STX18: variants seen among roughly 807,000 people sequenced by gnomAD.
STX18 encodes the protein syntaxin-18.
STX18 carries 40 observed loss-of-function variants against 50.1 expected under a neutral mutation model. The ratio of observed to expected loss-of-function variants is 0.80; its 90% confidence interval spans 0.62 to 1.04. The LOEUF is 1.04. Among genes scored for constraint, STX18 ranks in the 50% least tolerant of loss-of-function variants. The pLI, the probability that STX18 is intolerant of heterozygous loss-of-function variation, is 0.00. For missense variants in STX18, 410 were observed against 415.8 expected, an observed-to-expected ratio of 0.99 and a Z score of 0.12; for synonymous variants, 158 against 151.8, an observed-to-expected ratio of 1.04 and a Z score of -0.30.
At chr4:4,461,934 CCT>C (rs1727401097) in intron 2 of STX18, 1 of 456,068 alleles carries the variant, frequency 2.2e-6, no homozygotes, top group South Asian at 1.5e-5. Context: ...CCGCTCTGTT[CCT>C]CTCTCTCCTA....
Position 4,436,799 on chromosome 4 carries a change from T to G in STX18, c.613+1595A>C, listed in dbSNP as rs117891645. ...AGCTTACTCCCACCTCTCCTCCCAC[T>G]GATGGGCTTCACTGATCCCCACGGG... On this transcript the variant is annotated intron_variant, in intron 6 of 10. Coordinates refer to ENST00000306200, the MANE Select transcript of STX18 (RefSeq NM_016930.4). Among the ~76,000 whole-genome samples the G allele has an allele frequency of 3.5e-4, 53 of 152,284 alleles. 1 individual carries two copies. The East Asian group carries it at 0.01, about 30-fold the overall frequency.
At chr4:4,528,696 G>A (rs1212149260) in intron 1 of STX18, among the ~76,000 whole-genome samples, 1 of 152,226 alleles carries the variant, frequency 6.6e-6, no homozygotes, top group African/African-American at 2.4e-5. Context: ...TAGGAGAACT[G>A]CCTGCTGCTG....
intron 5 of STX18, among the ~76,000 whole-genome samples, chr4:4,450,346 G>C (rs780605955): frequency 1.1e-4 from 16 of 152,248 alleles, no homozygotes; most frequent in South Asian, 6.2e-4. Context: ...TTTAGAGACA[G>C]TGTCTCGCTC....
At chr4:4,433,359 T>C (rs1157304667) in intron 7 of STX18, among the ~76,000 whole-genome samples, 2 of 152,046 alleles carry the variant, frequency 1.3e-5, no homozygotes, top group Non-Finnish European at 2.9e-5. Context: ...TCAAAGTCAC[T>C]CATGCATTCA....
chr4:4,514,711 C>A (rs1730162110), intron 1 of STX18, among the ~76,000 whole-genome samples: 1 of 151,948 alleles, frequency 6.6e-6, no homozygotes, highest in African/African-American at 2.4e-5. Flanking sequence ...AAAATCCAAA[C>A]CACCAAAGGA....
intron 1 of STX18, among the ~76,000 whole-genome samples, chr4:4,485,633 G>C (rs189980721): frequency 1.3e-5 from 2 of 152,056 alleles, no homozygotes; most frequent in Non-Finnish European, 2.9e-5. Context: ...TGATGGGAAC[G>C]GCAGATTCGC....
At chr4:4,453,263 C>T (rs6833180) in intron 5 of STX18, among the ~76,000 whole-genome samples, 53,210 of 152,086 alleles carry the variant, frequency 0.35, 12,954 homozygotes, top group African/African-American at 0.7. Flanking sequence ...AATAGAGAAA[C>T]CTTTTGTGAA....
intron 9 of STX18, among the ~76,000 whole-genome samples, chr4:4,421,849 C>G (rs1724982990): frequency 6.6e-6 from 1 of 152,312 alleles, no homozygotes; most frequent in Admixed American, 6.5e-5. Context: ...AGGATGCTTA[C>G]AGAAAACGTT....
chr4:4,448,682 T>G (rs1726570953), intron 5 of STX18, among the ~76,000 whole-genome samples: 1 of 152,210 alleles, frequency 6.6e-6, no homozygotes, highest in Non-Finnish European at 1.5e-5. Flanking sequence ...ATCTGCAACA[T>G]GGAGAAAATA....
chr4:4,494,716 C>A (rs999768074), intron 1 of STX18, among the ~76,000 whole-genome samples: 1 of 152,144 alleles, frequency 6.6e-6, no homozygotes, highest in African/African-American at 2.4e-5. Context: ...AAATGCTTTG[C>A]GCAGGTTACA....
At chr4:4,511,673 G>T (rs892458421) in intron 1 of STX18, among the ~76,000 whole-genome samples, 1 of 150,942 alleles carries the variant, frequency 6.6e-6, no homozygotes, top group African/African-American at 2.4e-5. Flanking sequence ...TTAAATATGG[G>T]ACTGAAAATA....
chr4:4,429,003 C>T (rs145479648), intron 7 of STX18, among the ~76,000 whole-genome samples: 3 of 152,332 alleles, frequency 2.0e-5, no homozygotes, highest in South Asian at 2.1e-4. Context: ...TACGCTGTTA[C>T]GGTCTCCTAC....
intron 1 of STX18, chr4:4,478,878 T>C (rs1462942188): frequency 1.3e-5 from 2 of 152,630 alleles, no homozygotes; most frequent in Non-Finnish European, 2.9e-5. Flanking sequence ...TTCTGGCCCA[T>C]GCCCCACTCG....
At chr4:4,505,781 C>A (rs1453725351) in intron 1 of STX18, among the ~76,000 whole-genome samples, 1 of 152,130 alleles carries the variant, frequency 6.6e-6, no homozygotes, top group Non-Finnish European at 1.5e-5. Flanking sequence ...GAGACTCTGT[C>A]TCAAAAAACA....
rs1350867669 is a variant in STX18, at chr4:4,420,297, C to T, written c.913-168G>A. On this transcript the variant is annotated intron_variant, in intron 10 of 10. Coordinates refer to ENST00000306200, the MANE Select transcript of STX18 (RefSeq NM_016930.4). The surrounding 1 kb of genome is among the most constrained non-coding windows in gnomAD (Gnocchi z 4.3). Reference sequence around the variant, plus strand: ...ATGGCTTTTGAGATCCACCAGAAGACAAATGGGTTATATTTCCCTCTGTTT... The same window carrying T: ...ATGGCTTTTGAGATCCACCAGAAGATAAATGGGTTATATTTCCCTCTGTTT... The T allele has an allele frequency of 3.3e-6, 2 of 599,062 alleles. No homozygotes were observed. Among genetic ancestry groups the T allele is most frequent in the East Asian group, 5.7e-5 (2 of 35,176 alleles). 37.1% of individuals were successfully genotyped at this position (599,062 alleles called of 1,614,324 possible).
At chr4:4,474,961 A>G (rs1056354539) in intron 1 of STX18, among the ~76,000 whole-genome samples, 1 of 152,158 alleles carries the variant, frequency 6.6e-6, no homozygotes, top group African/African-American at 2.4e-5. Context: ...CCTACTAAGA[A>G]CCTTACTATC....
At chr4:4,441,247 A>G (rs1021963778) in intron 5 of STX18, among the ~76,000 whole-genome samples, 1 of 152,222 alleles carries the variant, frequency 6.6e-6, no homozygotes, top group Admixed American at 6.5e-5. Flanking sequence ...GGGAAGAAAC[A>G]CAGACTCCAA....
chr4:4,461,443 A>C (rs1365464200), intron 2 of STX18, among the ~76,000 whole-genome samples: 1 of 152,230 alleles, frequency 6.6e-6, no homozygotes, highest in Non-Finnish European at 1.5e-5. Context: ...CATTATTAAA[A>C]AAAAATTAAA....
In STX18 at chr4:4,459,783, T is replaced by C. The variant is rs1247949271; in HGVS notation, c.237-296A>G. On this transcript the variant is annotated intron_variant, in intron 2 of 10. Coordinates refer to ENST00000306200, the MANE Select transcript of STX18 (RefSeq NM_016930.4). ...TCAGGGCTACAGCATAAGCCAGGCT[T>C]ATAAAGAATGTAGGCTCTGCTTTTG... Among the ~76,000 whole-genome samples, 3 of 152,148 alleles carry C rather than the reference T, an allele frequency of 2.0e-5. No homozygotes were observed. In the East Asian group the frequency reaches 5.8e-4, roughly 29 times the overall value.
Sources: allele counts gnomAD v4.1 joint callset (sites outside exome capture counted in the v4.1 genomes callset), GRCh38; gene constraint gnomAD v4.1.1; non-coding constraint Gnocchi (gnomAD v3.1); transcripts MANE v1.5; gene names NCBI Gene and HGNC (gene_info 2026-07-23, HGNC 2026-07-21).